Variants in TOR3A observed in about 807,000 individuals in gnomAD.
TOR3A encodes torsin family 3 member A.
TOR3A carries 44 observed loss-of-function variants against 42.1 expected under a neutral mutation model. The observed-to-expected ratio is 1.04, with a 90% CI of 0.82 to 1.34. TOR3A has a LOEUF of 1.34. Ranked by LOEUF, TOR3A falls within the 40% of genes most tolerant of loss-of-function variation. TOR3A has a pLI of 0.00. For synonymous variants in TOR3A, 227 were observed against 213.2 expected (o/e 1.06, Z -0.57); for missense variants, 521 against 507.6 (o/e 1.03, Z -0.25).
intron 2 of TOR3A, 93 bp downstream of exon 2, chr1:179,083,146 C>A: frequency 3.0e-6 from 2 of 676,120 alleles, no homozygotes; most frequent in Non-Finnish European, 4.6e-6. Context: ...CTTTCGTCAT[C>A]CTGCCCAGCC....
chr1:179,093,049 C>G (rs1478471682), intron 4 of TOR3A, among the ~76,000 whole-genome samples: 1 of 152,088 alleles, frequency 6.6e-6, no homozygotes, highest in East Asian at 1.9e-4. Context: ...TGATGTGGAG[C>G]TGGGCAAGGA....
chr1:179,095,408 T>TAA lies in TOR3A; in HGVS notation c.*190_*191insAA. The stretch of plus-strand genomic sequence containing the variant: ...GAAGCCAAGCCAATCCTTTTTCTTT[T>TAA]TTTTGGAGGTCCCACCGAGATAGAT... On this transcript the variant is annotated 3_prime_UTR_variant, in exon 6 of 6. Coordinates refer to ENST00000367627, the MANE Select transcript of TOR3A (RefSeq NM_022371.4). 19 of 1,359,896 alleles carry TAA rather than the reference T, an allele frequency of 1.4e-5. No homozygotes were observed. Among genetic ancestry groups the TAA allele is most frequent in the South Asian group, 7.7e-5 (4 of 51,730 alleles). The allele number at this position is 1,359,896 out of a possible 1,614,324, so 84.2% of individuals were successfully genotyped here.
intron 2 of TOR3A, chr1:179,085,339 G>A (rs920699678): frequency 3.7e-5 from 12 of 320,124 alleles, no homozygotes; most frequent in African/African-American, 1.3e-4. Context: ...CAGGAGAATC[G>A]CTTGAACCAG....
chr1:179,085,459 C>T, intron 2 of TOR3A, 169 bp from the exon 3 acceptor site: 1 of 768,440 alleles, frequency 1.3e-6, no homozygotes, highest in Admixed American at 2.3e-5. Flanking sequence ...CCTTGAATCC[C>T]TTCTGCTACA....
At chr1:179,087,590 C>G (rs1207477723) in intron 3 of TOR3A, among the ~76,000 whole-genome samples, 1 of 152,184 alleles carries the variant, frequency 6.6e-6, no homozygotes, top group Non-Finnish European at 1.5e-5. Context: ...GAGGAGAGAG[C>G]AGGGCTGGAG....
intron 3 of TOR3A, among the ~76,000 whole-genome samples, chr1:179,086,745 T>C (rs932996855): frequency 1.3e-5 from 2 of 152,116 alleles, no homozygotes; most frequent in Admixed American, 1.3e-4. Context: ...GCTTATTATA[T>C]ACCAGCAAGT....
rs531198575 is a variant in TOR3A at position 179,090,041 on chromosome 1, A to C, written c.818+1952A>C. ...CGTCGACCTGACAGCACCACCCTCCAGCTGCCTGTCCTTTCCCCCAGTGAC... is the reference window on the plus strand; with the variant it reads ...CGTCGACCTGACAGCACCACCCTCCCGCTGCCTGTCCTTTCCCCCAGTGAC... On this transcript the variant is annotated intron_variant, in intron 4 of 5. Coordinates refer to ENST00000367627, the MANE Select transcript of TOR3A (RefSeq NM_022371.4). Among the ~76,000 whole-genome samples, 6 of 143,160 alleles carry C rather than the reference A, an allele frequency of 4.2e-5. No individual in the cohort carries two copies. In the South Asian group the frequency reaches 1.3e-3, roughly 31 times the overall value. The allele number at this position is 143,160 out of a possible 152,430, so 93.9% of individuals were successfully genotyped here.
chr1:179,088,793 C>A (rs1281502728), intron 4 of TOR3A, among the ~76,000 whole-genome samples: 1 of 152,204 alleles, frequency 6.6e-6, no homozygotes, highest in Non-Finnish European at 1.5e-5. Context: ...TGTCCAACCT[C>A]ATCTTTTTGC....
chr1:179,082,458 C>T, intron 1 of TOR3A, 71 bp downstream of exon 1: 2 of 1,516,602 alleles, frequency 1.3e-6, no homozygotes, highest in Non-Finnish European at 1.8e-6. Context: ...CTGTGGTCGC[C>T]TCGCTCCTGT....
Position 179,095,937 on chromosome 1 carries a change from G to A in TOR3A, c.*719G>A. ...GGGACCTTTTCAAAGACAATAGGGG[G>A]TCTTGACATGTTTGTTGTATGTAAA... On this transcript the variant is annotated 3_prime_UTR_variant, in exon 6 of 6. Transcript: ENST00000367627. The A allele has an allele frequency of 3.0e-6, 3 of 983,984 alleles. No homozygotes were observed. The highest frequency in any genetic ancestry group is 3.6e-6 in the Non-Finnish European group (3 of 829,638). The allele number at this position is 983,984 out of a possible 1,614,324, so 61.0% of individuals were successfully genotyped here.
At position 179,082,309 on chromosome 1, in the gene TOR3A, C is replaced by A; in HGVS notation, c.181C>A (p.Arg61=). 1.3e-6 allele frequency: 2 copies of A among 1,593,892 alleles called. No individual in the cohort carries two copies. Among genetic ancestry groups the A allele is most frequent in the East Asian group, 2.4e-5 (1 of 42,450 alleles). ...CAGGGCGGCGGGTGCCCTCTCCAAG[C>A]GGTACTGGACGCTCTTCAGCTGCCA... is the stretch of plus-strand genomic sequence containing the variant. ...QLRAAGALSK[R]YWTLFSCQVW... The change falls in exon 1 of 6, where the codon CGG becomes AGG. Residue 61 remains arginine, a synonymous_variant. Transcript: ENST00000367627.
chr1:179,095,425 G>GAGATAGAT lies in TOR3A; in HGVS notation c.*210_*217dup, dbSNP rs145389283. 7.8e-6 allele frequency: 11 copies of GAGATAGAT among 1,402,944 alleles called. No individual in the cohort carries two copies. Among genetic ancestry groups the GAGATAGAT allele is most frequent in the South Asian group, 1.7e-5 (1 of 58,576 alleles). The allele number at this position is 1,402,944 out of a possible 1,614,324, so 86.9% of individuals were successfully genotyped here. A position where few individuals can be genotyped will look rare whatever the true frequency, so the allele number is the denominator to read the frequency against. ...TTTTCTTTTTTTTGGAGGTCCCACC[G>GAGATAGAT]AGATAGATAGGAACTTGGATTGCTG... On this transcript the variant is annotated 3_prime_UTR_variant, in exon 6 of 6. Transcript: ENST00000367627.
intron 4 of TOR3A, among the ~76,000 whole-genome samples, chr1:179,089,769 C>T (rs1019826952): frequency 1.1e-4 from 17 of 152,142 alleles, no homozygotes; most frequent in South Asian, 2.1e-4. Flanking sequence ...TCCCACGGCA[C>T]GGAGCAAAGC....
In TOR3A at chr1:179,095,404, C is replaced by CT. The variant is rs879915412; in HGVS notation, c.*194dup. On this transcript the variant is annotated 3_prime_UTR_variant, in exon 6 of 6. Coordinates refer to ENST00000367627, the MANE Select transcript of TOR3A (RefSeq NM_022371.4). ...ATTAGAAGCCAAGCCAATCCTTTTT[C>CT]TTTTTTTTGGAGGTCCCACCGAGAT... 3.4e-5 allele frequency: 45 copies of CT among 1,339,046 alleles called. 2 individuals are homozygous for CT. Among genetic ancestry groups the CT allele is most frequent in the Middle Eastern group, 2.8e-4 (1 of 3,574 alleles). 82.9% of individuals were successfully genotyped at this position (1,339,046 alleles called of 1,614,324 possible). A position where few individuals can be genotyped will look rare whatever the true frequency, so the allele number is the denominator to read the frequency against.
intron 5 of TOR3A, among the ~76,000 whole-genome samples, chr1:179,094,645 G>A (rs936102018): frequency 6.6e-6 from 1 of 152,170 alleles, no homozygotes; most frequent in Non-Finnish European, 1.5e-5. Flanking sequence ...TTGGGAGGCT[G>A]AGGCGGGCGG....
chr1:179,095,511 G>C lies in TOR3A; in HGVS notation c.*293G>C. The C allele has an allele frequency of 1.9e-5, 24 of 1,242,728 alleles. No homozygotes were observed. The highest frequency in any genetic ancestry group is 2.4e-5 in the Non-Finnish European group (24 of 988,646). 77.0% of individuals were successfully genotyped at this position (1,242,728 alleles called of 1,614,324 possible). ...GTGCCTTAAAGACACGCATTCCAAA[G>C]TGGAATGTGGTTGAAGAAAGTGGGC... On this transcript the variant is annotated 3_prime_UTR_variant, in exon 6 of 6. Transcript: ENST00000367627.
In TOR3A at chr1:179,095,786, G is replaced by A; in HGVS notation, c.*568G>A. The A allele has an allele frequency of 1.0e-6, 1 of 988,704 alleles. No individual in the cohort carries two copies. Among genetic ancestry groups the A allele is most frequent in the Non-Finnish European group, 1.2e-6 (1 of 832,194 alleles). The allele number at this position is 988,704 out of a possible 1,614,324, so 61.2% of individuals were successfully genotyped here. A position where few individuals can be genotyped will look rare whatever the true frequency, so the allele number is the denominator to read the frequency against. On this transcript the variant is annotated 3_prime_UTR_variant, in exon 6 of 6. Coordinates refer to ENST00000367627, the MANE Select transcript of TOR3A (RefSeq NM_022371.4). ...GGTACTTCCAGAGGAAAGCCAAGCT[G>A]CTTCTGTTGTGAGCGAATCAGCCAA...
At chr1:179,094,002 C>T (rs1205493281) in intron 4 of TOR3A, 91 bp from the exon 5 acceptor site, 3 of 1,491,838 alleles carry the variant, frequency 2.0e-6, no homozygotes, top group African/African-American at 2.8e-5. Context: ...CTCTATTCTT[C>T]CAGGCACTAA....
At chr1:179,083,468 C>T (rs183188814) in intron 2 of TOR3A, among the ~76,000 whole-genome samples, 2 of 151,442 alleles carry the variant, frequency 1.3e-5, no homozygotes, top group Non-Finnish European at 2.9e-5. Flanking sequence ...TCTCAGCTCA[C>T]TGCACCCTCC....
Sources: gnomAD v4.1 joint callset for allele counts (sites outside exome capture counted in the v4.1 genomes callset) on GRCh38, gnomAD v4.1.1 for gene constraint, MANE v1.5 for transcripts, NCBI Gene and HGNC (gene_info 2026-07-23, HGNC 2026-07-21) for gene names.